GUSB: variants seen among roughly 807,000 people sequenced by gnomAD.
The protein encoded by GUSB is beta-glucuronidase.
Under a neutral mutation model 74.6 loss-of-function variants are expected in GUSB, and 51 were observed. That is an observed-to-expected ratio of 0.68 (90% CI 0.55 to 0.86). The LOEUF is 0.86. Ranked by LOEUF, GUSB falls within the 40% of genes least tolerant of loss-of-function variation. GUSB has a pLI of 0.00. For missense variants in GUSB, 736 were observed against 853.7 expected, an observed-to-expected ratio of 0.86 and a Z score of 1.72; for synonymous variants, 360 against 348.3, an observed-to-expected ratio of 1.03 and a Z score of -0.37.
chr7:65,978,454 A>C (rs779888791), intron 4 of GUSB, among the ~76,000 whole-genome samples: 3 of 151,010 alleles, frequency 2.0e-5, no homozygotes, highest in Non-Finnish European at 4.4e-5. Context: ...TCTCAAAAAC[A>C]AAAAACAAAA....
chr7:65,980,185 G>GGGGGGGGCCCCCCC, intron 2 of GUSB, 39 bp downstream of exon 2: 1 of 725,274 alleles, frequency 1.4e-6, no homozygotes, highest in Non-Finnish European at 2.4e-6. Context: ...CAGCAGCCGT[G>GGGGGGGGCCCCCCC]CCCCCCCACC....
chr7:65,965,945 C>T (rs1326004150), intron 10 of GUSB, among the ~76,000 whole-genome samples: 12 of 151,704 alleles, frequency 7.9e-5, no homozygotes, highest in South Asian at 2.1e-4. Flanking sequence ...CCAAGGCGGG[C>T]GGATCACTTG....
chr7:65,967,715 G>T lies in GUSB; in HGVS notation c.1653+16C>A. On this transcript the variant is annotated intron_variant, in intron 10 of 11. Transcript: ENST00000304895. Reference sequence around the variant, plus strand: ...CCCTGAGAGAACACACAAGCAGAAAGCTCAACACTGCTTACCTGGTGAAAC... The same window carrying T: ...CCCTGAGAGAACACACAAGCAGAAATCTCAACACTGCTTACCTGGTGAAAC... 1 of 1,607,906 alleles carries T rather than the reference G, an allele frequency of 6.2e-7. No individual in the cohort carries two copies. The highest frequency in any genetic ancestry group is 8.5e-7 in the Non-Finnish European group (1 of 1,175,146).
Position 65,982,176 on chromosome 7 carries a change from C to T in GUSB, c.8G>A (p.Arg3Gln). 8 of 1,513,152 alleles carry T rather than the reference C, an allele frequency of 5.3e-6. No homozygotes were observed. Among genetic ancestry groups the T allele is most frequent in the Non-Finnish European group, 7.1e-6 (8 of 1,130,760 alleles). The allele number at this position is 1,513,152 out of a possible 1,614,324, so 93.7% of individuals were successfully genotyped here. A position where few individuals can be genotyped will look rare whatever the true frequency, so the allele number is the denominator to read the frequency against. The change falls in exon 1 of 12, where the codon CGG becomes CAG. Residue 3 changes from arginine to glutamine, a missense_variant. Physicochemically the swap from Arg to Gln is conservative, Grantham distance 43. Coordinates refer to ENST00000304895, the MANE Select transcript of GUSB (RefSeq NM_000181.4). MA[R>Q]GSAVAWAALG... ...CGCCGCCCAGGCAACCGCCGACCCC[C>T]GGGCCATGCTTCCCGGTCCCCCGCT... is the stretch of plus-strand genomic sequence containing the variant.
At chr7:65,962,853 C>T (rs1327532956) in intron 11 of GUSB, among the ~76,000 whole-genome samples, 3 of 148,580 alleles carry the variant, frequency 2.0e-5, no homozygotes, top group Non-Finnish European at 4.5e-5. Context: ...GCCTGGGAAA[C>T]GAGCAAAACT....
intron 10 of GUSB, 76 bp downstream of exon 10, chr7:65,967,655 G>T: frequency 8.2e-7 from 1 of 1,214,472 alleles, no homozygotes; most frequent in Non-Finnish European, 1.2e-6. Context: ...TGCAGTGGGC[G>T]CAGGTCAGGC....
intron 11 of GUSB, among the ~76,000 whole-genome samples, chr7:65,963,448 G>GTT (rs377141676): frequency 6.6e-6 from 1 of 152,052 alleles, no homozygotes. Context: ...TCAGTTTATG[G>GTT]TAAGTCCATA....
intron 8 of GUSB, among the ~76,000 whole-genome samples, chr7:65,971,050 C>T (rs567863804): frequency 6.6e-6 from 1 of 152,246 alleles, no homozygotes; most frequent in South Asian, 2.1e-4. Flanking sequence ...ATCCTATACC[C>T]CCAGAGGAGC....
At chr7:65,968,017 G>GAGTGCTGGGATTA in intron 9 of GUSB, 110 bp from the exon 10 acceptor site, 1 of 896,076 alleles carries the variant, frequency 1.1e-6, no homozygotes, top group East Asian at 2.6e-5. Context: ...TGTAATCCCA[G>GAGTGCTGGGATTA]CACTCTGGGA....
intron 3 of GUSB, 78 bp downstream of exon 3, chr7:65,979,649 C>G (rs928228776): frequency 3.8e-6 from 6 of 1,589,032 alleles, no homozygotes; most frequent in Non-Finnish European, 5.2e-6. Flanking sequence ...TCTGTGAAGG[C>G]CACCCAGTCC....
rs1407792432 is a variant in GUSB at position 65,975,849 on chromosome 7, A to C, written c.912+166T>G. 7.2e-5 allele frequency: 4 copies of C among 55,310 alleles called. No homozygotes were observed. The East Asian group carries it at 4.2e-3, about 59-fold the overall frequency. The allele number at this position is 55,310 out of a possible 1,614,324, so 3.4% of individuals were successfully genotyped here. On this transcript the variant is annotated intron_variant, in intron 5 of 11. Coordinates refer to ENST00000304895, the MANE Select transcript of GUSB (RefSeq NM_000181.4). ...CTGGGTGACAGAGTGAGACCATCTC[A>C]AAAAAAAAAAAAAAAAAGAAAATGG...
chr7:65,970,026 G>T (rs144886315), intron 9 of GUSB, among the ~76,000 whole-genome samples: 1 of 152,060 alleles, frequency 6.6e-6, no homozygotes, highest in Admixed American at 6.6e-5. Context: ...GACTGGCTGC[G>T]GCCGGGGTGT....
At chr7:65,970,217 G>T in intron 9 of GUSB, 65 bp downstream of exon 9, 2 of 939,166 alleles carry the variant, frequency 2.1e-6, no homozygotes, top group South Asian at 1.3e-5. Context: ...CTGTTCCCAT[G>T]ACCAGGCTTC....
intron 4 of GUSB, among the ~76,000 whole-genome samples, chr7:65,978,646 C>T (rs1203435118): frequency 6.6e-6 from 1 of 150,700 alleles, no homozygotes; most frequent in African/African-American, 2.4e-5. Context: ...GTGGCGGGTG[C>T]CTATAATCCC....
chr7:65,975,140 AG>A, intron 5 of GUSB, 69 bp from the exon 6 acceptor site: 2 of 1,440,304 alleles, frequency 1.4e-6, no homozygotes. Context: ...GCCCTCCAGC[AG>A]GAAGGCCCCT....
intron 2 of GUSB, 27 bp downstream of exon 2, chr7:65,980,197 G>A (rs749050145): frequency 3.0e-5 from 8 of 262,602 alleles, no homozygotes; most frequent in East Asian, 1.4e-4. Flanking sequence ...CCCCCCACCC[G>A]CCCTGCCTGC....
At chr7:65,961,344 G>A (rs1381460520) in intron 11 of GUSB, among the ~76,000 whole-genome samples, 3 of 151,914 alleles carry the variant, frequency 2.0e-5, no homozygotes, top group African/African-American at 7.3e-5. Flanking sequence ...ATGTTGTCCA[G>A]GCTGGTCTCA....
intron 9 of GUSB, among the ~76,000 whole-genome samples, chr7:65,968,964 C>T (rs1334095937): frequency 6.6e-6 from 1 of 152,202 alleles, no homozygotes; most frequent in East Asian, 1.9e-4. Flanking sequence ...CTCCAAGGAG[C>T]AGGGCGGTGA....
chr7:65,974,201 C>T (rs541172753), intron 8 of GUSB, 94 bp downstream of exon 8: 207 of 1,239,272 alleles, frequency 1.7e-4, no homozygotes, highest in Admixed American at 9.7e-4. Flanking sequence ...GGGCTGGACA[C>T]GAGGCCGATC....
Sources: allele counts gnomAD v4.1 joint callset (sites outside exome capture counted in the v4.1 genomes callset), GRCh38; gene constraint gnomAD v4.1.1; transcripts MANE v1.5; gene names NCBI Gene and HGNC (gene_info 2026-07-23, HGNC 2026-07-21).